Variants in LARGE1 observed in about 807,000 individuals in gnomAD.
LARGE1 encodes LARGE xylosyl- and glucuronyltransferase 1.
In LARGE1, 43 loss-of-function variants were observed where a neutral mutation model predicts 87.6. The ratio of observed to expected loss-of-function variants is 0.49; its 90% confidence interval spans 0.38 to 0.63. The LOEUF (loss-of-function observed/expected upper bound fraction) is 0.63, where lower values mean the gene tolerates loss of function less well. LARGE1 is among the 30% of genes least tolerant of loss of function. The pLI is 0.00. For synonymous variants in LARGE1, 434 were observed against 394.6 expected (o/e 1.10, Z -1.18); for missense variants, 802 against 1,000.2 (o/e 0.80, Z 2.67).
chr22:33,642,095 T>G (rs2080452714), intron 3 of LARGE1, among the ~76,000 whole-genome samples: 1 of 151,916 alleles, frequency 6.6e-6, no homozygotes, highest in African/African-American at 2.4e-5. Context: ...TTCTCCAGGT[T>G]TGAAACAAAG....
intron 11 of LARGE1, among the ~76,000 whole-genome samples, chr22:33,210,592 T>C (rs1013303331): frequency 1.3e-5 from 2 of 152,270 alleles, no homozygotes; most frequent in African/African-American, 4.8e-5. Context: ...CTATGGTGGC[T>C]GTTCCCTGCC....
intron 2 of LARGE1, among the ~76,000 whole-genome samples, chr22:33,735,612 C>T (rs1397974496): frequency 6.6e-6 from 1 of 152,194 alleles, no homozygotes; most frequent in Non-Finnish European, 1.5e-5. Context: ...TTGCCTTCAG[C>T]AGCTCCATTT....
At chr22:33,829,015 T>C (rs914881653) in intron 1 of LARGE1, among the ~76,000 whole-genome samples, 6 of 140,100 alleles carry the variant, frequency 4.3e-5, no homozygotes, top group Admixed American at 1.4e-4. Flanking sequence ...TCTTTTTTTT[T>C]TTTTTTTTTT....
intron 6 of LARGE1, among the ~76,000 whole-genome samples, chr22:33,485,682 G>T (rs1376367312): frequency 6.6e-6 from 1 of 152,014 alleles, no homozygotes; most frequent in African/African-American, 2.4e-5. Context: ...TACCAAATTA[G>T]GTTCCAAGTT....
At chr22:33,204,024 T>C (rs1924559182) in intron 11 of LARGE1, among the ~76,000 whole-genome samples, 1 of 152,194 alleles carries the variant, frequency 6.6e-6, no homozygotes, top group Non-Finnish European at 1.5e-5. Context: ...GATCTTTCAT[T>C]AATATCTTTG....
chr22:33,719,245 A>G (rs2083005959), intron 2 of LARGE1, among the ~76,000 whole-genome samples: 1 of 152,254 alleles, frequency 6.6e-6, no homozygotes, highest in Non-Finnish European at 1.5e-5. Context: ...AAAGCTTAAA[A>G]ATATTTCAAA....
At chr22:33,847,268 T>C (rs1390928467) in intron 1 of LARGE1, among the ~76,000 whole-genome samples, 1 of 152,230 alleles carries the variant, frequency 6.6e-6, no homozygotes, top group Non-Finnish European at 1.5e-5. Context: ...TGTTTCTCTT[T>C]TGTGATGCTG....
intron 4 of LARGE1, among the ~76,000 whole-genome samples, chr22:33,611,271 AC>A (rs2079420903): frequency 6.6e-6 from 1 of 152,204 alleles, no homozygotes; most frequent in Non-Finnish European, 1.5e-5. Flanking sequence ...AAAGCAACAG[AC>A]ACTCAACTCC....
chr22:33,394,626 C>G (rs2065658206), intron 7 of LARGE1, among the ~76,000 whole-genome samples: 1 of 151,938 alleles, frequency 6.6e-6, no homozygotes, highest in African/African-American at 2.4e-5. Context: ...TTCCATATAA[C>G]TAACGTGTGG....
chr22:33,600,636 AAAG>A (rs2148961692), intron 5 of LARGE1, among the ~76,000 whole-genome samples: 1 of 137,790 alleles, frequency 7.3e-6, no homozygotes, highest in East Asian at 1.9e-4. Flanking sequence ...CTCTGGTGGG[AAAG>A]AAGGAGCAAA....
intron 3 of LARGE1, among the ~76,000 whole-genome samples, chr22:33,636,705 T>G (rs2080278197): frequency 6.6e-6 from 1 of 151,822 alleles, no homozygotes. Flanking sequence ...GTTTTGTATT[T>G]TTTTTTTGGA....
the LARGE1 span, among the ~76,000 whole-genome samples, chr22:33,119,583 G>C: frequency 6.6e-6 from 1 of 151,950 alleles, no homozygotes; most frequent in Non-Finnish European, 1.5e-5. Context: ...CCATGGTCTA[G>C]AACAGTTTCT....
intron 7 of LARGE1, among the ~76,000 whole-genome samples, chr22:33,401,747 G>A (rs1194739051): frequency 6.6e-6 from 1 of 152,150 alleles, no homozygotes; most frequent in East Asian, 1.9e-4. Context: ...AGAAGGGTGC[G>A]ATAAAACCAA....
intron 4 of LARGE1, among the ~76,000 whole-genome samples, chr22:33,605,647 CT>C (rs1384337130): frequency 6.6e-6 from 1 of 152,188 alleles, no homozygotes; most frequent in Non-Finnish European, 1.5e-5. Context: ...TCAAGAACTA[CT>C]AGCATAAATA....
At chr22:33,270,199 G>C (rs1302487866), downstream of LARGE1, among the ~76,000 whole-genome samples, 1 of 152,066 alleles carries the variant, frequency 6.6e-6, no homozygotes, top group Admixed American at 6.5e-5. Context: ...AAAGATCATG[G>C]TATATCCGAC....
chr22:33,773,785 T>C (rs1163893422), intron 1 of LARGE1, among the ~76,000 whole-genome samples: 5 of 152,196 alleles, frequency 3.3e-5, no homozygotes, highest in African/African-American at 1.2e-4. Context: ...CAGGCACTCG[T>C]GGTTGTTGCA....
chr22:33,863,729 T>C (rs985547809), intron 1 of LARGE1, among the ~76,000 whole-genome samples: 6 of 151,660 alleles, frequency 4.0e-5, no homozygotes, highest in Admixed American at 2.0e-4. Flanking sequence ...CATTGCGCCA[T>C]TGCACTCCAG....
At chr22:33,154,618 T>G in the LARGE1 span, among the ~76,000 whole-genome samples, 2 of 152,220 alleles carry the variant, frequency 1.3e-5, no homozygotes, top group Non-Finnish European at 2.9e-5. Flanking sequence ...CATTATCTTT[T>G]TCACTTCTAT....
intron 2 of LARGE1, among the ~76,000 whole-genome samples, chr22:33,674,926 A>G (rs1452131615): frequency 6.6e-6 from 1 of 151,970 alleles, no homozygotes; most frequent in Admixed American, 6.6e-5. Context: ...TGTATGTTTT[A>G]AATTTCCATT....
Sources: gnomAD v4.1 joint callset for allele counts (sites outside exome capture counted in the v4.1 genomes callset) on GRCh38, gnomAD v4.1.1 for gene constraint, MANE v1.5 for transcripts, NCBI Gene and HGNC (gene_info 2026-07-23, HGNC 2026-07-21) for gene names.